The following FLT1 variants were observed in gnomAD, a reference collection of about 807,000 sequenced individuals.
The protein encoded by FLT1 is vascular endothelial growth factor receptor 1.
In FLT1, 49 loss-of-function variants were observed where a neutral mutation model predicts 156.3. That is an observed-to-expected ratio of 0.31 (90% CI 0.25 to 0.40). The LOEUF (loss-of-function observed/expected upper bound fraction) is 0.40. FLT1 is among the 10% of genes least tolerant of loss of function. FLT1 has a pLI of 1.00. For missense variants in FLT1, 1,322 were observed against 1,637.2 expected (o/e 0.81, Z 3.32); for synonymous variants, 594 against 583.8 (o/e 1.02, Z -0.25).
At chr13:28,387,960 G>A in intron 13 of FLT1, 2 of 1,061,504 alleles carry the variant, frequency 1.9e-6, no homozygotes, top group Non-Finnish European at 2.3e-6. Flanking sequence ...GCAAACAGGG[G>A]AAGGAAATGG....
At position 28,467,280 on chromosome 13, in the gene FLT1, C is replaced by T. The variant is rs1879903171; in HGVS notation, c.162-151G>A. On this transcript the variant is annotated intron_variant, in intron 2 of 29. Coordinates refer to ENST00000282397, the MANE Select transcript of FLT1 (RefSeq NM_002019.4). Reference sequence around the variant, plus strand: ...CGGGAAAGCAACACATTCAGAAAAGCTGTAGAACAATACTCAGAATAAAGA... The same window carrying T: ...CGGGAAAGCAACACATTCAGAAAAGTTGTAGAACAATACTCAGAATAAAGA... 10 of 739,158 alleles carry T rather than the reference C, an allele frequency of 1.4e-5. No homozygotes were observed. The Admixed American group carries it at 1.8e-4, about 14-fold the overall frequency. 45.8% of individuals were successfully genotyped at this position (739,158 alleles called of 1,614,324 possible). A position where few individuals can be genotyped will look rare whatever the true frequency, so the allele number is the denominator to read the frequency against.
At chr13:28,347,238 C>T (rs1049944454) in intron 15 of FLT1, among the ~76,000 whole-genome samples, 4 of 152,024 alleles carry the variant, frequency 2.6e-5, no homozygotes, top group African/African-American at 9.7e-5. Context: ...AAGACCCAGA[C>T]CTGGCCAAGT....
At chr13:28,366,851 CT>C (rs1471869034) in intron 14 of FLT1, among the ~76,000 whole-genome samples, 2 of 152,182 alleles carry the variant, frequency 1.3e-5, no homozygotes, top group African/African-American at 2.4e-5. Flanking sequence ...TGGCACTTAC[CT>C]TTTTGTCATA....
chr13:28,426,627 G>A lies in FLT1; in HGVS notation c.1436+532C>T, dbSNP rs143877525. Among the ~76,000 whole-genome samples the A allele has an allele frequency of 9.2e-5, 14 of 152,298 alleles. 2 individuals carry two copies. In the East Asian group the frequency reaches 2.7e-3, roughly 29 times the overall value. ...GAGGAGAGTTCACAGAGAAGGTGAC[G>A]TAAGAGCTGAGCCATGGGGTTTGAT... On this transcript the variant is annotated intron_variant, in intron 10 of 29. Transcript: ENST00000282397.
chr13:28,477,816 T>C (rs1371156587), intron 1 of FLT1, among the ~76,000 whole-genome samples: 1 of 152,200 alleles, frequency 6.6e-6, no homozygotes, highest in Non-Finnish European at 1.5e-5. Context: ...GAATGGATCA[T>C]AATTGCCAGT....
At chr13:28,402,254 G>A (rs920983656) in intron 11 of FLT1, among the ~76,000 whole-genome samples, 2 of 152,202 alleles carry the variant, frequency 1.3e-5, no homozygotes, top group African/African-American at 4.8e-5. Context: ...CCATGTGACG[G>A]TGGATAAAGG....
chr13:28,381,900 A>T (rs4771245), intron 14 of FLT1, among the ~76,000 whole-genome samples: 11,229 of 152,304 alleles, frequency 0.074, 456 homozygotes, highest in South Asian at 0.12. Context: ...ATTTTCTGAA[A>T]ACCATTTATT....
At chr13:28,317,458 C>G in intron 25 of FLT1, 40 bp downstream of exon 25, 2 of 1,278,038 alleles carry the variant, frequency 1.6e-6, no homozygotes. Context: ...TGGTGAAAAG[C>G]GAGCTGTCAG....
intron 13 of FLT1, chr13:28,389,000 G>A (rs1437805283): frequency 1.0e-5 from 11 of 1,064,574 alleles, no homozygotes; most frequent in Admixed American, 1.1e-4. Flanking sequence ...TACCTGGATC[G>A]CATGAGAGGA....
intron 19 of FLT1, among the ~76,000 whole-genome samples, chr13:28,328,963 G>A (rs1241011181): frequency 1.3e-5 from 2 of 152,008 alleles, no homozygotes; most frequent in African/African-American, 4.8e-5. Flanking sequence ...AACCACCTCC[G>A]CCCCTAGCAG....
chr13:28,301,706 G>A lies in FLT1; in HGVS notation c.*1461C>T, dbSNP rs142404928. 1.3e-5 allele frequency: 3 copies of A among 233,132 alleles called. No individual in the cohort carries two copies. The highest frequency in any genetic ancestry group is 6.0e-5 in the East Asian group (1 of 16,536). The allele number at this position is 233,132 out of a possible 1,614,324, so 14.4% of individuals were successfully genotyped here. On this transcript the variant is annotated 3_prime_UTR_variant, in exon 30 of 30. Coordinates refer to ENST00000282397, the MANE Select transcript of FLT1 (RefSeq NM_002019.4). Reference sequence around the variant, plus strand: ...TAGCATCAAACAGAGCCAGCTTAGCGATCCAAGGCCCACTTGATCTTTAGA... The same window carrying A: ...TAGCATCAAACAGAGCCAGCTTAGCAATCCAAGGCCCACTTGATCTTTAGA...
rs1029907187 is a variant in FLT1, at chr13:28,399,136, T to G, written c.1552-2068A>C. On this transcript the variant is annotated intron_variant, in intron 11 of 29. Coordinates refer to ENST00000282397, the MANE Select transcript of FLT1 (RefSeq NM_002019.4). ...GGTGGAAGCTGGAAGACAGGAGAGA[T>G]CGTCAAATACGACTCTGACTCCCTT... 3 of 1,523,500 alleles carry G rather than the reference T, an allele frequency of 2.0e-6. No individual in the cohort carries two copies. The African/African-American group carries it at 4.1e-5, about 21-fold the overall frequency. The allele number at this position is 1,523,500 out of a possible 1,614,324, so 94.4% of individuals were successfully genotyped here. A position where few individuals can be genotyped will look rare whatever the true frequency, so the allele number is the denominator to read the frequency against.
At chr13:28,304,445 G>GT (rs376065268) in intron 29 of FLT1, among the ~76,000 whole-genome samples, 16 of 151,674 alleles carry the variant, frequency 1.1e-4, no homozygotes, top group African/African-American at 3.6e-4. Flanking sequence ...GGAGGCACTT[G>GT]TTGCCATCCT....
At position 28,431,299 on chromosome 13, in the gene FLT1, T is replaced by G. The variant is rs759508113; in HGVS notation, c.825A>C (p.Arg275Ser). ...GGTCAATTCGTCGCCTTACGGAAGCTCTCTTATTTTTCTAGAAAGAAAATG... is the reference window on the plus strand; with the variant it reads ...GGTCAATTCGTCGCCTTACGGAAGCGCTCTTATTTTTCTAGAAAGAAAATG... Reference protein sequence around the residue: ...TWSYPDEKNKRASVRRRIDQS... With the variant: ...TWSYPDEKNKSASVRRRIDQS... The change falls in exon 7 of 30, where the codon AGA becomes AGC. Residue 275 changes from arginine (R) to serine (S), a missense_variant. Arg to Ser is a moderately radical substitution (Grantham distance 110). Coordinates refer to ENST00000282397, the MANE Select transcript of FLT1 (RefSeq NM_002019.4). 5.0e-6 allele frequency: 8 copies of G among 1,612,884 alleles called. No homozygotes were observed. The highest frequency in any genetic ancestry group is 2.2e-5 in the East Asian group (1 of 44,870).
intron 18 of FLT1, among the ~76,000 whole-genome samples, chr13:28,333,739 C>T (rs1872013341): frequency 6.6e-6 from 1 of 152,112 alleles, no homozygotes; most frequent in Non-Finnish European, 1.5e-5. Flanking sequence ...GGCTTAAGTC[C>T]CTTGTTGTCT....
At chr13:28,318,037 C>G (rs1314076730) in intron 24 of FLT1, among the ~76,000 whole-genome samples, 1 of 152,102 alleles carries the variant, frequency 6.6e-6, no homozygotes, top group Non-Finnish European at 1.5e-5. Flanking sequence ...TAGCTCACTG[C>G]AGCCTCGAAC....
At chr13:28,469,268 G>A (rs948640627) in intron 1 of FLT1, among the ~76,000 whole-genome samples, 2 of 152,202 alleles carry the variant, frequency 1.3e-5, no homozygotes, top group Non-Finnish European at 2.9e-5. Flanking sequence ...GGAAGCAAAG[G>A]TAGAAGCTCT....
chr13:28,421,994 T>C (rs1877033377), intron 10 of FLT1, among the ~76,000 whole-genome samples: 1 of 152,238 alleles, frequency 6.6e-6, no homozygotes, highest in Admixed American at 6.5e-5. Context: ...AGTAGATATT[T>C]TACAGATACA....
chr13:28,364,104 T>A (rs1044503842), intron 14 of FLT1, among the ~76,000 whole-genome samples: 1 of 152,210 alleles, frequency 6.6e-6, no homozygotes, highest in African/African-American at 2.4e-5. Flanking sequence ...GATTTTAGGG[T>A]TCTTTATATG....
Sources: allele counts gnomAD v4.1 joint callset (sites outside exome capture counted in the v4.1 genomes callset), GRCh38; gene constraint gnomAD v4.1.1; transcripts MANE v1.5; gene names NCBI Gene and HGNC (gene_info 2026-07-23, HGNC 2026-07-21).